The following CEP72 variants were observed in gnomAD, a reference collection of about 807,000 sequenced individuals.
CEP72 encodes the protein centrosomal protein of 72 kDa.
In CEP72, 78 loss-of-function variants were observed where a neutral mutation model predicts 65.7. That is an observed-to-expected ratio of 1.19 (90% CI 0.99 to 1.43). The LOEUF (loss-of-function observed/expected upper bound fraction) is 1.43, where lower values mean the gene tolerates loss of function less well. Among genes scored for constraint, CEP72 ranks in the 40% most tolerant of loss-of-function variants. The probability of loss-of-function intolerance (pLI) is 0.00; values close to 1 mark genes in which losing one functional copy is unlikely to be tolerated. For missense variants in CEP72, 914 were observed against 832.9 expected (o/e 1.10, Z -1.20); for synonymous variants, 358 against 351.7 (o/e 1.02, Z -0.20).
downstream of CEP72, chr5:661,962 G>A (rs1187733218): frequency 6.6e-6 from 1 of 152,108 alleles, no homozygotes; most frequent in Admixed American, 6.5e-5. Context: ...TGGAGGGAGA[G>A]TGGGGGCGTG....
At chr5:625,973 A>G (rs1736730639) in intron 4 of CEP72, among the ~76,000 whole-genome samples, 1 of 151,578 alleles carries the variant, frequency 6.6e-6, no homozygotes, top group South Asian at 2.1e-4. Flanking sequence ...TTGCCTCTGT[A>G]AGTCGCTGTT....
chr5:636,938 ATGTGATGGGTCATCTTGAGTTGAGCAGGC>A (rs1341651476), intron 6 of CEP72, among the ~76,000 whole-genome samples: 2 of 152,160 alleles, frequency 1.3e-5, no homozygotes, highest in East Asian at 3.9e-4. Flanking sequence ...CCGCTGCAGG[ATGTGATGGGTCATCTTGAGTTGAGCAGGC>A]TGTGGTGGAG....
intron 1 of CEP72, among the ~76,000 whole-genome samples, chr5:615,083 A>G (rs1579916032): frequency 7.2e-6 from 1 of 139,714 alleles, no homozygotes; most frequent in East Asian, 2.0e-4. Flanking sequence ...CATAGCTAGG[A>G]TTTTTATACC....
In CEP72 at chr5:623,794, T is replaced by C. The variant is rs973977333; in HGVS notation, c.404-677T>C. 6.6e-6 allele frequency among the ~76,000 whole-genome samples: 1 copy of C among 152,168 alleles called. No individual in the cohort carries two copies. Among genetic ancestry groups the C allele is most frequent in the African/African-American group, 2.4e-5 (1 of 41,416 alleles). On this transcript the variant is annotated intron_variant, in intron 3 of 11. Transcript: ENST00000264935. This position sits in a 1 kb window ranked among gnomAD's most constrained non-coding sequence, Gnocchi z 5.3. ...TGTGATTATCAGAACTCCTCCGTTT[T>C]TCTGCTTTGAACATTATATTATGCT...
At chr5:670,195 G>A (rs139993228), downstream of CEP72, among the ~76,000 whole-genome samples, 32 of 152,284 alleles carry the variant, frequency 2.1e-4, no homozygotes, top group East Asian at 7.8e-4. Flanking sequence ...CTGTTCCTCC[G>A]GGGCGGACGT....
At chr5:654,062 T>G (rs1435391713), downstream of CEP72, among the ~76,000 whole-genome samples, 1 of 140,494 alleles carries the variant, frequency 7.1e-6, no homozygotes, top group East Asian at 2.4e-4. Flanking sequence ...GCTGTGTGTG[T>G]GTGCTGTGTG....
chr5:613,301 A>G (rs1372066154), intron 1 of CEP72, among the ~76,000 whole-genome samples: 1 of 152,084 alleles, frequency 6.6e-6, no homozygotes, highest in Non-Finnish European at 1.5e-5. Flanking sequence ...CAGCAGAGAA[A>G]GAGTTTAAGG....
At chr5:667,019 G>GCACTCCCAGCTGCAGAATC (rs1311098684) in exon 5 of CEP72, 1 of 152,210 alleles carries the variant, frequency 6.6e-6, no homozygotes, top group Admixed American at 6.5e-5. Context: ...CATTCCGAGG[G>GCACTCCCAGCTGCAGAATC]CACTCCCAGC....
At chr5:649,820 T>C (rs754420365) in intron 11 of CEP72, among the ~76,000 whole-genome samples, 54 of 51,322 alleles carry the variant, frequency 1.1e-3, no homozygotes, top group African/African-American at 1.3e-3. Flanking sequence ...GACTGTGAGG[T>C]GTGGACTGTG....
At chr5:648,904 T>C (rs1433220172) in intron 11 of CEP72, among the ~76,000 whole-genome samples, 2 of 113,618 alleles carry the variant, frequency 1.8e-5, no homozygotes, top group African/African-American at 7.0e-5. Context: ...GCGTGGACTG[T>C]GAGGGGTGAC....
rs765058852 is a variant in CEP72 at position 644,320 on chromosome 5, G to C, written c.1561G>C (p.Asp521His). ...KELDDLRQHL[D>H]KSLEENSRLK... ...GCAGGATGATTTGAGACAACATTTA[G>C]ATAAATCTTTGGAAGAGAACAGTAG... is the stretch of plus-strand genomic sequence containing the variant. The change falls in exon 10 of 12, where the codon GAT (aspartate) becomes CAT (histidine). Residue 521 changes from aspartate (D) to histidine (H), a missense_variant. Asp to His is a moderately conservative substitution (Grantham distance 81). Coordinates refer to ENST00000264935, the MANE Select transcript of CEP72 (RefSeq NM_018140.4). 3.1e-6 allele frequency: 5 copies of C among 1,613,676 alleles called. No homozygotes were observed. The highest frequency in any genetic ancestry group is 3.3e-5 in the Admixed American group (2 of 59,984).
downstream of CEP72, among the ~76,000 whole-genome samples, chr5:671,735 C>T (rs920701549): frequency 2.0e-4 from 30 of 152,246 alleles, no homozygotes; most frequent in Non-Finnish European, 2.8e-4. Flanking sequence ...GCGGAAGCCA[C>T]GTTCATCCTG....
intron 11 of CEP72, among the ~76,000 whole-genome samples, chr5:651,876 C>T (rs1401255364): frequency 6.6e-6 from 1 of 151,958 alleles, no homozygotes; most frequent in Non-Finnish European, 1.5e-5. Context: ...CGCTCCCTCC[C>T]CCACTCCTCA....
chr5:654,227 G>A (rs1483704795), downstream of CEP72, among the ~76,000 whole-genome samples: 1 of 150,718 alleles, frequency 6.6e-6, no homozygotes, highest in Non-Finnish European at 1.5e-5. Flanking sequence ...CGCTTGCTGT[G>A]TGTGTGCTAG....
downstream of CEP72, among the ~76,000 whole-genome samples, chr5:658,720 G>C (rs1023575051): frequency 8.0e-6 from 1 of 124,302 alleles, no homozygotes; most frequent in Non-Finnish European, 1.6e-5. Flanking sequence ...CCAGGCTGGA[G>C]TGCAGTGGCG....
intron 11 of CEP72, 41 bp from the exon 12 acceptor site, chr5:652,947 G>T: frequency 6.4e-7 from 1 of 1,556,708 alleles, no homozygotes; most frequent in Non-Finnish European, 8.7e-7. Flanking sequence ...CCGCTGGAGA[G>T]GACGGAAGTG....
chr5:648,566 A>G (rs199847489), intron 11 of CEP72, among the ~76,000 whole-genome samples: 44 of 105,556 alleles, frequency 4.2e-4, no homozygotes, highest in South Asian at 1.1e-3. Flanking sequence ...TGAGGTGTGG[A>G]CTGTGAGGTG....
rs1343094569 is a variant in CEP72 at position 633,821 on chromosome 5, G to T, written c.565G>T (p.Val189Phe). The stretch of plus-strand genomic sequence containing the variant: ...CGAGGCCTTGGCCAAGCAGAGCCTG[G>T]TCATGGATGCGGATGACGAGGCAGT... ...CTEALAKQSLVMDADDEAVLN... is the reference protein window; with the variant it reads ...CTEALAKQSLFMDADDEAVLN... Residue 189 changes from valine (V) to phenylalanine (F), a missense_variant, in exon 5 of 12, where the codon GTC (valine) becomes TTC (phenylalanine). Physicochemically the swap from Val to Phe is conservative, Grantham distance 50. Coordinates refer to ENST00000264935, the MANE Select transcript of CEP72 (RefSeq NM_018140.4). 3.7e-6 allele frequency: 6 copies of T among 1,613,986 alleles called. No homozygotes were observed. Among genetic ancestry groups the T allele is most frequent in the African/African-American group, 1.3e-5 (1 of 74,936 alleles).
chr5:633,790 G>A lies in CEP72; in HGVS notation c.534G>A (p.Lys178=), dbSNP rs1737393125. 3 of 1,613,988 alleles carry A rather than the reference G, an allele frequency of 1.9e-6. No homozygotes were observed. The highest frequency in any genetic ancestry group is 3.3e-5 in the Admixed American group (2 of 60,012). The change falls in exon 5 of 12, where the codon AAG becomes AAA. Residue 178 remains lysine, a synonymous_variant. Transcript: ENST00000264935. ...KEGRPHHPRA[K]CTEALAKQSL... ...ACAGACCACACCACCCCAGAGCCAA[G>A]TGCACCGAGGCCTTGGCCAAGCAGA...
Sources: allele counts gnomAD v4.1 joint callset (sites outside exome capture counted in the v4.1 genomes callset), GRCh38; gene constraint gnomAD v4.1.1; non-coding constraint Gnocchi (gnomAD v3.1); transcripts MANE v1.5; gene names NCBI Gene and HGNC (gene_info 2026-07-23, HGNC 2026-07-21).